The following ABLIM1 variants were observed in gnomAD, a reference collection of about 807,000 sequenced individuals.
ABLIM1 encodes actin binding LIM protein 1.
A neutral mutation model predicts 107.0 loss-of-function variants in ABLIM1; 40 were observed. The ratio of observed to expected loss-of-function variants is 0.37; its 90% confidence interval spans 0.29 to 0.49. The LOEUF (loss-of-function observed/expected upper bound fraction) is 0.49. Ranked by LOEUF, ABLIM1 falls within the 20% of genes least tolerant of loss-of-function variation. The pLI, the probability that ABLIM1 is intolerant of heterozygous loss-of-function variation, is 0.97. For missense variants in ABLIM1, 857 were observed against 1,008.5 expected (o/e 0.85, Z 2.04); for synonymous variants, 357 against 357.3 (o/e 1.00, Z 0.01).
At chr10:114,726,185 G>GTTA (rs2142094288) in intron 1 of ABLIM1, among the ~76,000 whole-genome samples, 1 of 152,190 alleles carries the variant, frequency 6.6e-6, no homozygotes, top group South Asian at 2.1e-4. Flanking sequence ...GAAATTTGTT[G>GTTA]TTGTTGTTAC....
intron 1 of ABLIM1, among the ~76,000 whole-genome samples, chr10:114,760,509 C>T (rs2082723748): frequency 6.6e-6 from 1 of 151,332 alleles, no homozygotes; most frequent in Non-Finnish European, 1.5e-5. Context: ...ACTACAAATT[C>T]AAGGACACAT....
chr10:114,506,568 G>A (rs1336498400), intron 6 of ABLIM1, among the ~76,000 whole-genome samples: 3 of 152,062 alleles, frequency 2.0e-5, no homozygotes, highest in Non-Finnish European at 4.4e-5. Flanking sequence ...AGTGTGAGAC[G>A]GTATCTCAGT....
chr10:114,710,579 T>A (rs1399430845), intron 1 of ABLIM1, among the ~76,000 whole-genome samples: 1 of 152,094 alleles, frequency 6.6e-6, no homozygotes, highest in East Asian at 1.9e-4. Context: ...AAGATGAGAT[T>A]TGGGTGGGAA....
intron 6 of ABLIM1, among the ~76,000 whole-genome samples, chr10:114,506,813 C>A (rs994987205): frequency 1.3e-5 from 2 of 152,146 alleles, no homozygotes; most frequent in South Asian, 4.1e-4. Context: ...TCGATAGTTT[C>A]TTTTGCTGTG....
upstream of ABLIM1, among the ~76,000 whole-genome samples, chr10:114,661,767 A>G (rs2079805696): frequency 6.6e-6 from 1 of 152,222 alleles, no homozygotes; most frequent in Admixed American, 6.5e-5. Flanking sequence ...TTCTAGAAGC[A>G]GTTCCACTGT....
intron 6 of ABLIM1, among the ~76,000 whole-genome samples, chr10:114,530,644 G>A (rs573838279): frequency 6.6e-6 from 1 of 151,930 alleles, no homozygotes; most frequent in Non-Finnish European, 1.5e-5. Flanking sequence ...AGCAATTCTC[G>A]TGCCTCAGCC....
chr10:114,487,842 A>G, intron 8 of ABLIM1, 116 bp downstream of exon 8: 2 of 1,306,336 alleles, frequency 1.5e-6, no homozygotes, highest in Non-Finnish European at 2.2e-6. Context: ...TTAGTTTGCT[A>G]TAAGGGAAAA....
At chr10:114,582,638 G>A (rs1275875703) in intron 2 of ABLIM1, among the ~76,000 whole-genome samples, 2 of 152,116 alleles carry the variant, frequency 1.3e-5, no homozygotes, top group South Asian at 2.1e-4. Context: ...AACCAAAAGA[G>A]CATGGTACTG....
chr10:114,761,839 C>G (rs1484930407), intron 1 of ABLIM1, among the ~76,000 whole-genome samples: 1 of 152,118 alleles, frequency 6.6e-6, no homozygotes, highest in Non-Finnish European at 1.5e-5. Flanking sequence ...CCATCCTATT[C>G]TTTTTTACCT....
At chr10:114,468,848 G>A (rs1021186508) in intron 10 of ABLIM1, among the ~76,000 whole-genome samples, 5 of 151,502 alleles carry the variant, frequency 3.3e-5, no homozygotes, top group Non-Finnish European at 7.4e-5. Flanking sequence ...TCAGGAGATC[G>A]AGACCATCCT....
intron 1 of ABLIM1, among the ~76,000 whole-genome samples, chr10:114,615,197 C>T (rs891741579): frequency 2.0e-5 from 3 of 152,198 alleles, no homozygotes; most frequent in African/African-American, 7.2e-5. Flanking sequence ...GATTACTCCA[C>T]TAATCCTTCT....
intron 6 of ABLIM1, among the ~76,000 whole-genome samples, chr10:114,494,551 AAACAACAAC>A (rs573252074): frequency 3.3e-5 from 5 of 152,034 alleles, no homozygotes; most frequent in African/African-American, 9.6e-5. Context: ...AAACCAAACC[AAACAACAAC>A]AACAACAACA....
At chr10:114,476,072 A>G (rs1301325875) in intron 8 of ABLIM1, among the ~76,000 whole-genome samples, 1 of 152,222 alleles carries the variant, frequency 6.6e-6, no homozygotes, top group African/African-American at 2.4e-5. Flanking sequence ...AATTCAGGTC[A>G]GGCAGTGATT....
At chr10:114,544,444 A>C (rs2137492736) in intron 6 of ABLIM1, among the ~76,000 whole-genome samples, 1 of 152,326 alleles carries the variant, frequency 6.6e-6, no homozygotes, top group East Asian at 1.9e-4. Context: ...GCAGGAAGAA[A>C]GCTCCCTAGC....
At chr10:114,656,019 C>T (rs2079495326) in intron 1 of ABLIM1, among the ~76,000 whole-genome samples, 1 of 152,048 alleles carries the variant, frequency 6.6e-6, no homozygotes, top group African/African-American at 2.4e-5. Context: ...GCCTATAATC[C>T]CACCACTTTG....
intron 1 of ABLIM1, among the ~76,000 whole-genome samples, chr10:114,740,023 C>T (rs146074585): frequency 7.9e-5 from 12 of 152,056 alleles, no homozygotes; most frequent in African/African-American, 2.7e-4. Context: ...AACAGCAAAC[C>T]TGTTGGCATC....
chr10:114,609,743 A>G (rs946103773), intron 1 of ABLIM1, among the ~76,000 whole-genome samples: 1 of 152,232 alleles, frequency 6.6e-6, no homozygotes, highest in Non-Finnish European at 1.5e-5. Flanking sequence ...CATTTGCAAG[A>G]AATCACTCCA....
Position 114,436,384 on chromosome 10 carries a change from G to GAAA in ABLIM1, c.2224-14_2224-12dup. On this transcript the variant is annotated splice_polypyrimidine_tract_variant and intron_variant, in intron 22 of 22. Transcript: ENST00000533213. The stretch of plus-strand genomic sequence containing the variant: ...AGGGGCTAAGTGGCGCTGGGAAGAA[G>GAAA]AAAAAAAAAAAAGAGCTGCTGTCAG... 4.0e-6 allele frequency: 5 copies of GAAA among 1,245,670 alleles called. No homozygotes were observed. The highest frequency in any genetic ancestry group is 2.3e-5 in the Admixed American group (1 of 42,618). The allele number at this position is 1,245,670 out of a possible 1,614,324, so 77.2% of individuals were successfully genotyped here.
chr10:114,521,881 C>T (rs2063800507), intron 6 of ABLIM1, among the ~76,000 whole-genome samples: 1 of 152,140 alleles, frequency 6.6e-6, no homozygotes, highest in African/African-American at 2.4e-5. Flanking sequence ...GGGAACAGTG[C>T]CATGAAGAAC....
Sources: gnomAD v4.1 joint callset for allele counts (sites outside exome capture counted in the v4.1 genomes callset) on GRCh38, gnomAD v4.1.1 for gene constraint, MANE v1.5 for transcripts, NCBI Gene and HGNC (gene_info 2026-07-23, HGNC 2026-07-21) for gene names.